Variants in SNX29 observed in about 807,000 individuals in gnomAD.
The protein encoded by SNX29 is sorting nexin-29.
Under a neutral mutation model 102.1 loss-of-function variants are expected in SNX29, and 78 were observed. The observed-to-expected ratio is 0.76, with a 90% CI of 0.64 to 0.92. The LOEUF is 0.92. Ranked by LOEUF, SNX29 falls within the 40% of genes least tolerant of loss-of-function variation. The pLI is 0.00. For synonymous variants in SNX29, 580 were observed against 414.5 expected, an observed-to-expected ratio of 1.40 and a Z score of -4.85; for missense variants, 1,280 against 1,061.7, an observed-to-expected ratio of 1.21 and a Z score of -2.86.
chr16:12,271,929 C>G (rs1245029158), intron 14 of SNX29, among the ~76,000 whole-genome samples: 1 of 152,082 alleles, frequency 6.6e-6, no homozygotes, highest in African/African-American at 2.4e-5. Context: ...TGCCTGGGGT[C>G]CATCTTCGAA....
At chr16:12,499,789 A>C (rs1286680973) in intron 19 of SNX29, among the ~76,000 whole-genome samples, 1 of 151,988 alleles carries the variant, frequency 6.6e-6, no homozygotes, top group East Asian at 1.9e-4. Context: ...GATTCTCCCA[A>C]CTCAACCTCC....
chr16:12,230,387 G>A (rs986534134), intron 14 of SNX29, among the ~76,000 whole-genome samples: 2 of 152,202 alleles, frequency 1.3e-5, no homozygotes, highest in African/African-American at 4.8e-5. Context: ...CCCATCTGCT[G>A]GACCTGCAGT....
At chr16:12,418,872 A>G (rs539162402) in intron 18 of SNX29, among the ~76,000 whole-genome samples, 2 of 152,246 alleles carry the variant, frequency 1.3e-5, no homozygotes, top group East Asian at 3.9e-4. Flanking sequence ...AGTTTCCTAC[A>G]CAGTCAGCCC....
intron 13 of SNX29, among the ~76,000 whole-genome samples, chr16:12,165,324 T>C (rs1306830534): frequency 6.6e-6 from 1 of 152,222 alleles, no homozygotes; most frequent in African/African-American, 2.4e-5. Context: ...CTAGTTATTA[T>C]GTGGTGCATA....
Position 12,524,719 on chromosome 16 carries a change from G to C in SNX29, c.2196G>C (p.Glu732Asp), listed in dbSNP as rs751560011. Reference sequence around the variant, plus strand: ...TTCCTCAGGATGCCAAGTTTGTGGAGGAACGGAGAAAGCAGCTCCAGAATT... The same window carrying C: ...TTCCTCAGGATGCCAAGTTTGTGGACGAACGGAGAAAGCAGCTCCAGAATT... ...AIGNKDAKFV[E>D]ERRKQLQNYL... Residue 732 changes from glutamate (E) to aspartate (D), a missense_variant, in exon 20 of 21, where the codon GAG becomes GAC. Physicochemically the swap from Glu to Asp is conservative, Grantham distance 45 (BLOSUM62 2). Transcript: ENST00000566228. 1 of 1,613,386 alleles carries C rather than the reference G, an allele frequency of 6.2e-7. No individual in the cohort carries two copies. The highest frequency in any genetic ancestry group is 8.5e-7 in the Non-Finnish European group (1 of 1,179,644).
chr16:12,466,367 A>C lies in SNX29; in HGVS notation c.2038-11352A>C, dbSNP rs555177200. On this transcript the variant is annotated intron_variant, in intron 18 of 20. Transcript: ENST00000566228. ...GTGTGTTTATATACACTAACAATGA[A>C]CCATCTGAAAACACAAATTTAGAAA... is the stretch of plus-strand genomic sequence containing the variant. Among the ~76,000 whole-genome samples the C allele has an allele frequency of 1.2e-4, 18 of 152,348 alleles. No individual in the cohort carries two copies. In the South Asian group the frequency reaches 3.5e-3, roughly 30 times the overall value.
At chr16:12,001,185 C>T (rs1055660211) in intron 2 of SNX29, among the ~76,000 whole-genome samples, 7 of 152,066 alleles carry the variant, frequency 4.6e-5, no homozygotes, top group Non-Finnish European at 8.8e-5. Context: ...AGTCTCAGCT[C>T]ACTGCAACCT....
rs375704261 is a variant in SNX29 at position 12,367,859 on chromosome 16, T to C, written c.1899+11580T>C. On this transcript the variant is annotated intron_variant, in intron 16 of 20. Transcript: ENST00000566228. The stretch of plus-strand genomic sequence containing the variant: ...AAAAGTGCCATTTAAGAGGGGCTAC[T>C]AAAAATATATCTCACATAGAGGCTT... 4.6e-4 allele frequency among the ~76,000 whole-genome samples: 70 copies of C among 152,328 alleles called. 2 individuals carry two copies. The South Asian group carries it at 0.014, about 31-fold the overall frequency.
intron 13 of SNX29, among the ~76,000 whole-genome samples, chr16:12,191,434 ATC>A (rs1328904764): frequency 2.0e-5 from 3 of 152,290 alleles, no homozygotes; most frequent in African/African-American, 7.2e-5. Context: ...CTCTGTAGGT[ATC>A]TCAGCCTGCA....
rs114983481 is a variant in SNX29, at chr16:12,116,975, T to C, written c.1403-9658T>C. ...CAGGAGTGGTCAATACGTGCTTCAATGCGGATGAACCATGGAAACAGGCGT... is the reference window on the plus strand; with the variant it reads ...CAGGAGTGGTCAATACGTGCTTCAACGCGGATGAACCATGGAAACAGGCGT... On this transcript the variant is annotated intron_variant, in intron 11 of 20. Transcript: ENST00000566228. Among the ~76,000 whole-genome samples, 790 of 134,544 alleles carry C rather than the reference T, an allele frequency of 5.9e-3. 9 individuals carry two copies. Among genetic ancestry groups the C allele is most frequent in the African/African-American group, 0.02 (716 of 35,250 alleles). 88.3% of individuals were successfully genotyped at this position (134,544 alleles called of 152,430 possible).
chr16:12,138,488 G>A (rs566917332), intron 13 of SNX29, among the ~76,000 whole-genome samples: 1 of 152,028 alleles, frequency 6.6e-6, no homozygotes, highest in East Asian at 1.9e-4. Context: ...GCTTATAGGC[G>A]TGAGCCACCA....
intron 20 of SNX29, among the ~76,000 whole-genome samples, chr16:12,549,022 C>T (rs182331371): frequency 1.3e-5 from 2 of 152,338 alleles, no homozygotes; most frequent in East Asian, 1.9e-4. Context: ...GCATAAAAAG[C>T]TTGTGGAGTA....
At chr16:12,455,915 C>T (rs951240719) in intron 18 of SNX29, among the ~76,000 whole-genome samples, 2 of 152,138 alleles carry the variant, frequency 1.3e-5, no homozygotes, top group African/African-American at 2.4e-5. Context: ...ATCTAGCACC[C>T]GTTGGGCATC....
Position 12,048,403 on chromosome 16 carries a change from C to G in SNX29, c.531C>G (p.Ile177Met). The stretch of plus-strand genomic sequence containing the variant: ...ACTCCATACTCTTTGCGATTAACAT[C>G]GACAACAAGGATTTGAACGGGCAGA... The part of the protein sequence containing the change: ...GLNSILFAIN[I>M]DNKDLNGQSK... The change falls in exon 7 of 21, where the codon ATC (isoleucine) becomes ATG (methionine). Residue 177 changes from isoleucine (I) to methionine (M), a missense_variant. Coordinates refer to ENST00000566228, the MANE Select transcript of SNX29 (RefSeq NM_032167.5). 6.2e-7 allele frequency: 1 copy of G among 1,613,848 alleles called. No homozygotes were observed. The highest frequency in any genetic ancestry group is 1.1e-5 in the South Asian group (1 of 91,060).
intron 20 of SNX29, among the ~76,000 whole-genome samples, chr16:12,550,274 T>C (rs776547267): frequency 5.3e-5 from 8 of 152,186 alleles, no homozygotes; most frequent in Non-Finnish European, 1.2e-4. Flanking sequence ...CAGAGGCTTA[T>C]ACCTGTAATC....
At chr16:12,355,368 C>T (rs1010832567) in intron 15 of SNX29, among the ~76,000 whole-genome samples, 3 of 152,158 alleles carry the variant, frequency 2.0e-5, no homozygotes, top group Non-Finnish European at 2.9e-5. Context: ...AAAGTACTTA[C>T]TGCAAATGGC....
chr16:12,568,592 A>T lies in SNX29; in HGVS notation c.2405A>T (p.Glu802Val). The T allele has an allele frequency of 6.2e-7, 1 of 1,606,420 alleles. No individual in the cohort carries two copies. The highest frequency in any genetic ancestry group is 8.5e-7 in the Non-Finnish European group (1 of 1,179,808). ...FPKLSRGQPR[E>V]TRNVEPQSGD... ...AAACTGTCCCGGGGTCAGCCCCGGG[A>T]GACCCGCAACGTGGAGCCCCAGAGC... Residue 802 changes from glutamate to valine, a missense_variant, in exon 21 of 21, where the codon GAG (glutamate) becomes GTG (valine). Transcript: ENST00000566228.
chr16:12,325,847 C>G (rs1596919974), intron 15 of SNX29, among the ~76,000 whole-genome samples: 1 of 152,098 alleles, frequency 6.6e-6, no homozygotes, highest in African/African-American at 2.4e-5. Context: ...GACAACACAA[C>G]AAGATCCTGT....
At chr16:12,174,817 C>T (rs1456014122) in intron 13 of SNX29, among the ~76,000 whole-genome samples, 9 of 152,140 alleles carry the variant, frequency 5.9e-5, no homozygotes, top group African/African-American at 2.2e-4. Flanking sequence ...TAAGCTCTCC[C>T]CTCCTCTTAG....
Sources: allele counts gnomAD v4.1 joint callset (sites outside exome capture counted in the v4.1 genomes callset), GRCh38; gene constraint gnomAD v4.1.1; transcripts MANE v1.5; gene names NCBI Gene and HGNC (gene_info 2026-07-23, HGNC 2026-07-21).